INSC: variants seen among roughly 807,000 people sequenced by gnomAD.
INSC encodes the protein protein inscuteable homolog.
A neutral mutation model predicts 58.6 loss-of-function variants in INSC; 67 were observed. The ratio of observed to expected loss-of-function variants is 1.14; its 90% CI spans 0.94 to 1.40. The LOEUF (loss-of-function observed/expected upper bound fraction) is 1.40. Among genes scored for constraint, INSC ranks in the 40% most tolerant of loss-of-function variants. The probability of loss-of-function intolerance (pLI) is 0.00; values close to 1 mark genes in which losing one functional copy is unlikely to be tolerated. For synonymous variants in INSC, 262 were observed against 276.1 expected (o/e 0.95, Z 0.51); for missense variants, 714 against 692.0 (o/e 1.03, Z -0.36).
chr11:15,263,900 T>G, the INSC span, among the ~76,000 whole-genome samples: 1 of 151,496 alleles, frequency 6.6e-6, no homozygotes, highest in Non-Finnish European at 1.5e-5. Flanking sequence ...CTCTCTCTGG[T>G]CCTCTATCTA....
chr11:15,208,522 G>C (rs1161391993), intron 7 of INSC, among the ~76,000 whole-genome samples: 2 of 152,202 alleles, frequency 1.3e-5, no homozygotes, highest in Non-Finnish European at 2.9e-5. Flanking sequence ...TGGCTGGGGT[G>C]GGGGCACTTA....
chr11:15,229,840 C>T (rs1851776712), intron 9 of INSC, among the ~76,000 whole-genome samples: 1 of 146,918 alleles, frequency 6.8e-6, no homozygotes, highest in Non-Finnish European at 1.5e-5. Context: ...GGCAGATTGC[C>T]TGTGTTCATG....
chr11:15,197,226 C>A (rs1006493412), intron 6 of INSC, among the ~76,000 whole-genome samples: 1 of 152,186 alleles, frequency 6.6e-6, no homozygotes, highest in Non-Finnish European at 1.5e-5. Context: ...TAATCTCAAC[C>A]TTCTGATATT....
At chr11:15,145,768 TGAG>T (rs1848477141) in intron 1 of INSC, among the ~76,000 whole-genome samples, 1 of 152,188 alleles carries the variant, frequency 6.6e-6, no homozygotes, top group Non-Finnish European at 1.5e-5. Flanking sequence ...GCTGTGTCAC[TGAG>T]GGCTGGCACT....
Position 15,137,050 on chromosome 11 carries a change from G to C in INSC, c.-45-12080G>C, listed in dbSNP as rs181771353. ...GGGCTGCAGAATAGATGTTAGCAGTGTGAAAACATTAATCTCTTTCCACAT... is the reference window on the plus strand; with the variant it reads ...GGGCTGCAGAATAGATGTTAGCAGTCTGAAAACATTAATCTCTTTCCACAT... On this transcript the variant is annotated intron_variant, in intron 1 of 12. Transcript: ENST00000379556. 1.2e-3 allele frequency among the ~76,000 whole-genome samples: 189 copies of C among 152,272 alleles called. 1 individual carries two copies. The highest frequency in any genetic ancestry group is 2.4e-3 in the Non-Finnish European group (165 of 67,998).
chr11:15,215,102 G>A (rs2133916052), intron 7 of INSC, among the ~76,000 whole-genome samples: 1 of 152,302 alleles, frequency 6.6e-6, no homozygotes, highest in Non-Finnish European at 1.5e-5. Context: ...TCTGTATCCA[G>A]ACTCCAGGTG....
At chr11:15,160,273 A>C (rs183943056) in intron 2 of INSC, among the ~76,000 whole-genome samples, 3 of 152,298 alleles carry the variant, frequency 2.0e-5, no homozygotes, top group Non-Finnish European at 4.4e-5. Context: ...GATGTGTAGA[A>C]GCCAGCAAGG....
intron 2 of INSC, among the ~76,000 whole-genome samples, chr11:15,168,865 T>C (rs745852960): frequency 5.3e-5 from 8 of 152,174 alleles, no homozygotes; most frequent in Non-Finnish European, 1.0e-4. Flanking sequence ...GTGTTGACCT[T>C]ATGAAAATGT....
intron 1 of INSC, among the ~76,000 whole-genome samples, chr11:15,115,212 C>A (rs73412772): frequency 1.3e-5 from 2 of 152,104 alleles, no homozygotes; most frequent in African/African-American, 4.8e-5. Flanking sequence ...CCCCAGGGTG[C>A]GAGTGTGGGT....
At chr11:15,130,978 GTTTGT>G (rs1469216061) in intron 1 of INSC, among the ~76,000 whole-genome samples, 1 of 151,724 alleles carries the variant, frequency 6.6e-6, no homozygotes, top group Admixed American at 6.6e-5. Flanking sequence ...TAGTCATTTT[GTTTGT>G]TTTGTTTTGT....
intron 7 of INSC, among the ~76,000 whole-genome samples, chr11:15,204,143 T>C (rs1037522088): frequency 2.6e-5 from 4 of 152,260 alleles, no homozygotes; most frequent in African/African-American, 9.6e-5. Context: ...ATATATCGAA[T>C]ACTTGCTTTG....
At chr11:15,251,603 A>G (rs67714013), downstream of INSC, among the ~76,000 whole-genome samples, 5 of 152,184 alleles carry the variant, frequency 3.3e-5, no homozygotes, top group African/African-American at 1.2e-4. Flanking sequence ...TTGAATAGAT[A>G]TCTCTCCAAA....
chr11:15,137,585 G>C (rs915669132), intron 1 of INSC, among the ~76,000 whole-genome samples: 1 of 152,164 alleles, frequency 6.6e-6, no homozygotes, highest in Non-Finnish European at 1.5e-5. Context: ...TATGGAGATG[G>C]CCTCTTTCCT....
intron 2 of INSC, among the ~76,000 whole-genome samples, chr11:15,155,863 A>C (rs988691998): frequency 6.6e-6 from 1 of 152,242 alleles, no homozygotes; most frequent in Non-Finnish European, 1.5e-5. Context: ...CAGCAGGATA[A>C]GCTGGGAATA....
intron 7 of INSC, among the ~76,000 whole-genome samples, chr11:15,210,738 G>A (rs1294219511): frequency 6.6e-6 from 1 of 152,080 alleles, no homozygotes; most frequent in Non-Finnish European, 1.5e-5. Flanking sequence ...GTACAGAGGT[G>A]GCACTCTCAG....
At chr11:15,148,063 G>A (rs186928687) in intron 1 of INSC, among the ~76,000 whole-genome samples, 13 of 152,290 alleles carry the variant, frequency 8.5e-5, no homozygotes, top group African/African-American at 3.1e-4. Context: ...AGCACAGCAG[G>A]GACAAGGCGA....
chr11:15,150,947 C>A (rs1405233974), intron 2 of INSC, among the ~76,000 whole-genome samples: 2 of 152,204 alleles, frequency 1.3e-5, no homozygotes, highest in Non-Finnish European at 2.9e-5. Context: ...GTCTATGCAC[C>A]TGTTTTTTCT....
At chr11:15,166,865 C>CA (rs1314501946) in intron 2 of INSC, among the ~76,000 whole-genome samples, 1 of 152,162 alleles carries the variant, frequency 6.6e-6, no homozygotes, top group Non-Finnish European at 1.5e-5. Context: ...AGGCTGCCTG[C>CA]ATGGAGTTCT....
At chr11:15,198,735 G>A (rs1479135145) in intron 6 of INSC, among the ~76,000 whole-genome samples, 1 of 152,070 alleles carries the variant, frequency 6.6e-6, no homozygotes, top group Non-Finnish European at 1.5e-5. Context: ...TGGCTGATGA[G>A]AGCTTAGGAC....
Sources: allele counts gnomAD v4.1 joint callset (sites outside exome capture counted in the v4.1 genomes callset), GRCh38; gene constraint gnomAD v4.1.1; transcripts MANE v1.5; gene names NCBI Gene and HGNC (gene_info 2026-07-23, HGNC 2026-07-21).